Variants in UTRN observed in about 807,000 individuals in gnomAD.
UTRN encodes the protein utrophin, also known as dystrophin-related protein 1.
Under a neutral mutation model 463.9 loss-of-function variants are expected in UTRN, and 283 were observed. That is an observed-to-expected ratio of 0.61 (90% CI 0.55 to 0.67). UTRN has a LOEUF of 0.67. Among genes scored for constraint, UTRN ranks in the 30% least tolerant of loss-of-function variants. UTRN has a pLI of 0.00. For synonymous variants in UTRN, 1,442 were observed against 1,431.5 expected (o/e 1.01, Z -0.17); for missense variants, 3,922 against 4,084.3 (o/e 0.96, Z 1.08).
chr6:144,758,020 C>T, intron 58 of UTRN, 31 bp downstream of exon 58: 1 of 1,562,856 alleles, frequency 6.4e-7, no homozygotes, highest in Admixed American at 1.8e-5. Flanking sequence ...CTTTATGATA[C>T]CAAGAAAATC....
At chr6:144,631,889 C>T (rs1357490647) in intron 51 of UTRN, among the ~76,000 whole-genome samples, 1 of 152,140 alleles carries the variant, frequency 6.6e-6, no homozygotes. Flanking sequence ...GGAATGGAGG[C>T]TAAATTTTCC....
intron 51 of UTRN, among the ~76,000 whole-genome samples, chr6:144,652,609 A>T (rs989002876): frequency 1.3e-5 from 2 of 152,188 alleles, no homozygotes; most frequent in Non-Finnish European, 2.9e-5. Flanking sequence ...ATTCCAAAAA[A>T]CTTTAGACCG....
At chr6:144,680,293 G>T (rs1782076089) in intron 52 of UTRN, among the ~76,000 whole-genome samples, 1 of 151,858 alleles carries the variant, frequency 6.6e-6, no homozygotes, top group Non-Finnish European at 1.5e-5. Flanking sequence ...AGAAATTTTT[G>T]GTCTTTCTTG....
At position 144,392,117 on chromosome 6, in the gene UTRN, A is replaced by G. The variant is rs756330586; in HGVS notation, c.80-11006A>G. Among the ~76,000 whole-genome samples the G allele has an allele frequency of 3.9e-5, 6 of 152,228 alleles. No homozygotes were observed. The East Asian group carries it at 1.2e-3, about 29-fold the overall frequency. ...CTTAGTAAGAAAAAAAGACTATAAA[A>G]TATATTTTCAAGATGTTTTAAAATA... On this transcript the variant is annotated intron_variant, in intron 2 of 74. Transcript: ENST00000367545.
chr6:144,666,149 T>C (rs559493196), intron 51 of UTRN, among the ~76,000 whole-genome samples: 75 of 152,314 alleles, frequency 4.9e-4, no homozygotes, highest in Non-Finnish European at 1.0e-3. Context: ...TAATTTATTG[T>C]AGCATTTGAC....
At chr6:144,529,609 A>G (rs1292354213) in intron 41 of UTRN, among the ~76,000 whole-genome samples, 1 of 152,158 alleles carries the variant, frequency 6.6e-6, no homozygotes, top group East Asian at 1.9e-4. Flanking sequence ...ATTTTTGCAA[A>G]TGATAATGAG....
chr6:144,586,116 C>T (rs1386851585), intron 51 of UTRN, among the ~76,000 whole-genome samples: 3 of 151,950 alleles, frequency 2.0e-5, no homozygotes, highest in African/African-American at 4.8e-5. Context: ...TCATACTTCT[C>T]TTGTTTGTCA....
intron 51 of UTRN, among the ~76,000 whole-genome samples, chr6:144,610,181 G>A (rs1381170569): frequency 3.7e-5 from 5 of 134,928 alleles, no homozygotes; most frequent in African/African-American, 5.5e-5. Flanking sequence ...CAGACCATTA[G>A]CTAGACTAAC....
intron 51 of UTRN, among the ~76,000 whole-genome samples, chr6:144,622,184 G>GTTTTTTTTTTTTTT (rs1199579909): frequency 1.0e-4 from 9 of 88,212 alleles, no homozygotes; most frequent in Admixed American, 1.6e-4. Flanking sequence ...TTTTTTTGTT[G>GTTTTTTTTTTTTTT]TTTTTTTTTT....
At chr6:144,327,395 A>G (rs1776040593) in intron 2 of UTRN, among the ~76,000 whole-genome samples, 1 of 152,116 alleles carries the variant, frequency 6.6e-6, no homozygotes, top group South Asian at 2.1e-4. Context: ...ACATAACGCA[A>G]CCAGGGCCTG....
At chr6:144,732,655 C>CATGTTATGTTATGTTATGTTATGTT (rs57770911) in intron 54 of UTRN, among the ~76,000 whole-genome samples, 19 of 126,326 alleles carry the variant, frequency 1.5e-4, no homozygotes, top group Middle Eastern at 3.8e-3. Context: ...CATTTTATGT[C>CATGTTATGTTATGTTATGTTATGTT]ATGTTATGTT....
intron 10 of UTRN, among the ~76,000 whole-genome samples, chr6:144,436,743 GTATTT>G (rs1046745325): frequency 1.4e-5 from 2 of 140,866 alleles, no homozygotes; most frequent in African/African-American, 5.2e-5. Context: ...GGTGAGTATG[GTATTT>G]TATTTTATAT....
chr6:144,732,555 T>C (rs991710546), intron 54 of UTRN, among the ~76,000 whole-genome samples: 4 of 152,062 alleles, frequency 2.6e-5, no homozygotes, highest in African/African-American at 7.2e-5. Flanking sequence ...TGTAATCATA[T>C]TCGTGTTTCT....
At position 144,521,950 on chromosome 6, in the gene UTRN, TATATA is replaced by T. The variant is rs745439158; in HGVS notation, c.5542-29_5542-25del. ...GTATTTTAAGAGATATATATATATA[TATATA>T]TTTTTTTTTTTGCTGTTTTTGTAGG... is the stretch of plus-strand genomic sequence containing the variant. On this transcript the variant is annotated intron_variant, in intron 39 of 74. Transcript: ENST00000367545. 3.8e-5 allele frequency: 47 copies of T among 1,232,010 alleles called. 1 individual carries two copies. The highest frequency in any genetic ancestry group is 1.3e-4 in the East Asian group (4 of 29,982). 76.3% of individuals were successfully genotyped at this position (1,232,010 alleles called of 1,614,324 possible). A position where few individuals can be genotyped will look rare whatever the true frequency, so the allele number is the denominator to read the frequency against.
chr6:144,539,372 A>G lies in UTRN; in HGVS notation c.6448A>G (p.Lys2150Glu). The G allele has an allele frequency of 6.2e-7, 1 of 1,613,588 alleles. No homozygotes were observed. The highest frequency in any genetic ancestry group is 8.5e-7 in the Non-Finnish European group (1 of 1,179,740). The part of the protein sequence containing the change: ...NRTELEMLSD[K>E]SLSLPERDKI... ...AACTGAATTGGAGATGCTTTCAGAT[A>G]AAAGTCTGAGTTTACCTGAAAGGGA... Residue 2150 changes from lysine to glutamate, a missense_variant, in exon 45 of 75, where the codon AAA becomes GAA. This residue lies in a region of UTRN where 2,349 missense variants were observed against 2,303.8 expected (regional missense o/e 1.02). Coordinates refer to ENST00000367545, the MANE Select transcript of UTRN (RefSeq NM_007124.3).
chr6:144,732,249 T>TACACAC (rs1412261127), intron 54 of UTRN, among the ~76,000 whole-genome samples: 2 of 116,814 alleles, frequency 1.7e-5, no homozygotes, highest in East Asian at 6.6e-4. Flanking sequence ...CATATATATA[T>TACACAC]ATATATATAC....
chr6:144,721,527 A>T (rs1787170960), intron 53 of UTRN, among the ~76,000 whole-genome samples: 1 of 152,142 alleles, frequency 6.6e-6, no homozygotes, highest in Non-Finnish European at 1.5e-5. Flanking sequence ...CCTTTTTGAA[A>T]TTATTTTGTA....
At chr6:144,555,737 T>C (rs1450199658) in intron 49 of UTRN, among the ~76,000 whole-genome samples, 1 of 152,210 alleles carries the variant, frequency 6.6e-6, no homozygotes, top group African/African-American at 2.4e-5. Flanking sequence ...GAACTCACTA[T>C]CACAAGAACA....
At chr6:144,554,936 A>C in intron 49 of UTRN, 43 bp downstream of exon 49, 1 of 1,599,640 alleles carries the variant, frequency 6.3e-7, no homozygotes, top group Non-Finnish European at 8.5e-7. Context: ...GTTTTGTTGG[A>C]TATACTTTTT....
Sources: allele counts gnomAD v4.1 joint callset (sites outside exome capture counted in the v4.1 genomes callset), GRCh38; gene constraint gnomAD v4.1.1; regional missense constraint gnomAD v4.1.1; transcripts MANE v1.5; gene names NCBI Gene and HGNC (gene_info 2026-07-23, HGNC 2026-07-21).